CACNA2D4: variants seen among roughly 807,000 people sequenced by gnomAD.
The protein encoded by CACNA2D4 is voltage-dependent calcium channel subunit alpha-2/delta-4.
A neutral mutation model predicts 163.8 loss-of-function variants in CACNA2D4; 157 were observed. The observed-to-expected ratio is 0.96, with a 90% CI of 0.84 to 1.09. The LOEUF is 1.09. Ranked by LOEUF, CACNA2D4 falls within the 50% of genes least tolerant of loss-of-function variation. The pLI is 0.00. For synonymous variants in CACNA2D4, 598 were observed against 586.9 expected, an observed-to-expected ratio of 1.02 and a Z score of -0.27; for missense variants, 1,410 against 1,479.9, an observed-to-expected ratio of 0.95 and a Z score of 0.78.
At position 1,829,527 on chromosome 12, in the gene CACNA2D4, G is replaced by A. The variant is rs949230247; in HGVS notation, c.2551+11212C>T. Among the ~76,000 whole-genome samples the A allele has an allele frequency of 8.5e-5, 13 of 152,074 alleles. No homozygotes were observed. The highest frequency in any genetic ancestry group is 3.1e-4 in the African/African-American group (13 of 41,416). ...TTGCTGTTAGGCTGCAGGGAGGCCTGGGCCAGATCTAGCCACGTGTCAGCT... is the reference window on the plus strand; with the variant it reads ...TTGCTGTTAGGCTGCAGGGAGGCCTAGGCCAGATCTAGCCACGTGTCAGCT... On this transcript the variant is annotated intron_variant, in intron 26 of 37. Transcript: ENST00000382722. The surrounding 1 kb of genome is among the most constrained non-coding windows in gnomAD (Gnocchi z 4.2).
intron 35 of CACNA2D4, among the ~76,000 whole-genome samples, chr12:1,796,138 G>A (rs1380433379): frequency 6.6e-6 from 1 of 152,260 alleles, no homozygotes. Context: ...TGCTCTGGGT[G>A]AGGGTGGCGG....
At position 1,834,263 on chromosome 12, in the gene CACNA2D4, G is replaced by A; in HGVS notation, c.2551+6476C>T. The A allele has an allele frequency of 6.4e-7, 1 of 1,557,994 alleles. No homozygotes were observed. Among genetic ancestry groups the A allele is most frequent in the Admixed American group, 1.8e-5 (1 of 54,434 alleles). On this transcript the variant is annotated intron_variant, in intron 26 of 37. Transcript: ENST00000382722. This position sits in a 1 kb window ranked among gnomAD's most constrained non-coding sequence, Gnocchi z 7.6. ...CAGCCCCTCTTTTTCTCTTCTGCATGTAGGGGGACGCTTGGACCAGCTTGC... is the reference window on the plus strand; with the variant it reads ...CAGCCCCTCTTTTTCTCTTCTGCATATAGGGGGACGCTTGGACCAGCTTGC...
In CACNA2D4 at chr12:1,799,628, G is replaced by A. The variant is rs746555459; in HGVS notation, c.2995+47C>T. 119 of 1,553,688 alleles carry A rather than the reference G, an allele frequency of 7.7e-5. No individual in the cohort carries two copies. Among genetic ancestry groups the A allele is most frequent in the Admixed American group, 7.2e-4 (37 of 51,558 alleles). On this transcript the variant is annotated intron_variant, in intron 34 of 37. Coordinates refer to ENST00000382722, the MANE Select transcript of CACNA2D4 (RefSeq NM_172364.5). This position sits in a 1 kb window ranked among gnomAD's most constrained non-coding sequence, Gnocchi z 4.7. ...GTGGGTTCTTTGTAGCTCCTGCTGC[G>A]TCCCCAACCCACCGCCAGCAGGGAT...
At chr12:1,904,190 A>G (rs929441472) in intron 6 of CACNA2D4, among the ~76,000 whole-genome samples, 4 of 152,144 alleles carry the variant, frequency 2.6e-5, no homozygotes, top group Admixed American at 2.6e-4. Flanking sequence ...CCATAGAGAT[A>G]AAAATTAGAA....
chr12:1,879,466 C>T (rs1459077293), intron 14 of CACNA2D4, among the ~76,000 whole-genome samples: 1 of 152,196 alleles, frequency 6.6e-6, no homozygotes, highest in African/African-American at 2.4e-5. Context: ...AAGTTAGAGT[C>T]TGCACAACCT....
intron 18 of CACNA2D4, among the ~76,000 whole-genome samples, chr12:1,860,871 G>C (rs1312820522): frequency 6.6e-6 from 1 of 152,188 alleles, no homozygotes; most frequent in African/African-American, 2.4e-5. Flanking sequence ...TAAGGGCATG[G>C]CTGGGCTTAG....
rs989796135 is a variant in CACNA2D4 at position 1,798,131 on chromosome 12, C to T, written c.2996-596G>A. ...CCGGTGCGGGACTCCTCGGGGGCTG[C>T]GCGATTTGCCTTAGCTCCCTGGGAC... On this transcript the variant is annotated intron_variant, in intron 34 of 37. Transcript: ENST00000382722. This position sits in a 1 kb window ranked among gnomAD's most constrained non-coding sequence, Gnocchi z 4.3. Among the ~76,000 whole-genome samples, 5 of 152,300 alleles carry T rather than the reference C, an allele frequency of 3.3e-5. No homozygotes were observed. Among genetic ancestry groups the T allele is most frequent in the South Asian group, 2.1e-4 (1 of 4,830 alleles).
intron 20 of CACNA2D4, among the ~76,000 whole-genome samples, chr12:1,858,058 G>C (rs560179887): frequency 1.3e-3 from 197 of 152,328 alleles, no homozygotes; most frequent in African/African-American, 4.5e-3. Flanking sequence ...CTCCCCTGGA[G>C]GCTTTGTGGG....
intron 26 of CACNA2D4, among the ~76,000 whole-genome samples, chr12:1,814,562 C>T (rs962301380): frequency 6.6e-6 from 1 of 152,220 alleles, no homozygotes; most frequent in African/African-American, 2.4e-5. Context: ...GCGTGTTCTC[C>T]CCCAGACCTG....
In CACNA2D4 at chr12:1,883,927, T is replaced by C. The variant is rs981944388; in HGVS notation, c.1351+316A>G. 33 of 369,694 alleles carry C rather than the reference T, an allele frequency of 8.9e-5. No individual in the cohort carries two copies. The highest frequency in any genetic ancestry group is 4.8e-4 in the African/African-American group (24 of 49,726). 22.9% of individuals were successfully genotyped at this position (369,694 alleles called of 1,614,324 possible). A position where few individuals can be genotyped will look rare whatever the true frequency, so the allele number is the denominator to read the frequency against. Reference sequence around the variant, plus strand: ...TGAATCAATGGGGTCTGGTCAGAGATAGATGAGGACCATTCACACACAAAA... The same window carrying C: ...TGAATCAATGGGGTCTGGTCAGAGACAGATGAGGACCATTCACACACAAAA... On this transcript the variant is annotated intron_variant, in intron 12 of 37. Transcript: ENST00000382722. The surrounding 1 kb of genome is among the most constrained non-coding windows in gnomAD (Gnocchi z 4.5).
chr12:1,824,202 C>T (rs532003191), intron 26 of CACNA2D4, among the ~76,000 whole-genome samples: 49 of 152,276 alleles, frequency 3.2e-4, no homozygotes, highest in African/African-American at 9.6e-4. Flanking sequence ...TGGCCGTTTG[C>T]CCTGCTGAGA....
In CACNA2D4 at chr12:1,886,347, T is replaced by C. The variant is rs1324854661; in HGVS notation, c.869A>G (p.Lys290Arg). Residue 290 changes from lysine (K) to arginine (R), a missense_variant, in exon 8 of 38, where the codon AAG (lysine) becomes AGG (arginine). Lys to Arg is a conservative substitution (Grantham distance 26). Coordinates refer to ENST00000382722, the MANE Select transcript of CACNA2D4 (RefSeq NM_172364.5). ...CACGTCCACCAAAATCACTATGTCC[T>C]TGGGAGAAGTAGCAGCTTGAATGTA... ...GWYIQAATSP[K>R]DIVILVDVSG... 33 of 1,613,864 alleles carry C rather than the reference T, an allele frequency of 2.0e-5. No homozygotes were observed. The highest frequency in any genetic ancestry group is 2.8e-5 in the Non-Finnish European group (33 of 1,179,850).
At chr12:1,915,023 T>C (rs2154453107) in intron 1 of CACNA2D4, 88 bp from the exon 2 acceptor site, 2 of 973,386 alleles carry the variant, frequency 2.1e-6, no homozygotes, top group East Asian at 2.4e-5. Flanking sequence ...TTCACACACA[T>C]AGAAAGCCAG....
At chr12:1,853,267 A>G (rs1020569454) in intron 23 of CACNA2D4, among the ~76,000 whole-genome samples, 1 of 152,242 alleles carries the variant, frequency 6.6e-6, no homozygotes, top group Non-Finnish European at 1.5e-5. Flanking sequence ...ACTATGTAGA[A>G]TGGTAGCATT....
intron 20 of CACNA2D4, among the ~76,000 whole-genome samples, chr12:1,856,717 G>A (rs1191808608): frequency 6.6e-6 from 1 of 152,220 alleles, no homozygotes; most frequent in Non-Finnish European, 1.5e-5. Flanking sequence ...GGCCCTGTGT[G>A]TTTTGCGGCC....
chr12:1,822,169 G>A (rs931644907), intron 26 of CACNA2D4: 3 of 152,152 alleles, frequency 2.0e-5, no homozygotes, highest in Non-Finnish European at 2.9e-5. Context: ...TTAAGCAGCC[G>A]ATCTGGTGTC....
Position 1,797,551 on chromosome 12 carries a change from G to A in CACNA2D4, c.2996-16C>T, listed in dbSNP as rs1268105007. ...TGTTTGTGGGCTGCGGGCGGAGAAA[G>A]GACATCACGCCACCGAAGGGGCCTC... On this transcript the variant is annotated splice_polypyrimidine_tract_variant and intron_variant, in intron 34 of 37. Transcript: ENST00000382722. The A allele has an allele frequency of 1.3e-6, 2 of 1,543,218 alleles. No individual in the cohort carries two copies. The highest frequency in any genetic ancestry group is 1.8e-6 in the Non-Finnish European group (2 of 1,142,144).
In CACNA2D4 at chr12:1,855,998, C is replaced by T. The variant is rs544873221; in HGVS notation, c.2152+14G>A. The T allele has an allele frequency of 2.5e-5, 40 of 1,600,408 alleles. No individual in the cohort carries two copies. The highest frequency in any genetic ancestry group is 1.7e-4 in the Middle Eastern group (1 of 5,904). ...CAGAGGAAAAGCTTGCCTCAGTGGG[C>T]GGCCAGCACTCACACTCCAGGTCTG... On this transcript the variant is annotated intron_variant, in intron 22 of 37. Transcript: ENST00000382722.
Position 1,801,213 on chromosome 12 carries a change from C to A in CACNA2D4, c.2793-95G>T, listed in dbSNP as rs1863312791. On this transcript the variant is annotated intron_variant, in intron 30 of 37. Transcript: ENST00000382722. ...TTACTAGCAGAGCATCCGTTTACCG[C>A]AATTCCCAAGGGCGCCTGAGCTAGG... is the stretch of plus-strand genomic sequence containing the variant. 4 of 1,028,882 alleles carry A rather than the reference C, an allele frequency of 3.9e-6. No individual in the cohort carries two copies. The East Asian group carries it at 9.6e-5, about 25-fold the overall frequency. The allele number at this position is 1,028,882 out of a possible 1,614,324, so 63.7% of individuals were successfully genotyped here.
Sources: gnomAD v4.1 joint callset for allele counts (sites outside exome capture counted in the v4.1 genomes callset) on GRCh38, gnomAD v4.1.1 for gene constraint, Gnocchi (gnomAD v3.1) non-coding constraint, MANE v1.5 for transcripts, NCBI Gene and HGNC (gene_info 2026-07-23, HGNC 2026-07-21) for gene names.